The following CEP290 variants were observed in gnomAD, a reference collection of about 807,000 sequenced individuals.
CEP290 encodes the protein centrosomal protein of 290 kDa.
CEP290 carries 317 observed loss-of-function variants against 344.9 expected under a neutral mutation model. That is an observed-to-expected ratio of 0.92 (90% CI 0.84 to 1.01). The LOEUF (loss-of-function observed/expected upper bound fraction) is 1.01. CEP290 is among the 50% of genes least tolerant of loss of function. CEP290 has a pLI of 0.00. For synonymous variants in CEP290, 932 were observed against 895.8 expected (o/e 1.04, Z -0.72); for missense variants, 2,754 against 2,761.4 (o/e 1.00, Z 0.06).
intron 13 of CEP290, 142 bp from the exon 14 acceptor site, chr12:88,121,308 G>C: frequency 1.5e-6 from 1 of 647,072 alleles, no homozygotes; most frequent in Non-Finnish European, 2.5e-6. Context: ...TAAGATGAAA[G>C]TTTTGTTTTG....
intron 15 of CEP290, 80 bp downstream of exon 15, chr12:88,120,034 A>G (rs1006652647): frequency 6.8e-6 from 6 of 882,002 alleles, no homozygotes; most frequent in Middle Eastern, 3.7e-4. Flanking sequence ...CTTAATAAAT[A>G]ATAATAAACA....
chr12:88,073,492 C>A (rs2035533550), intron 41 of CEP290, among the ~76,000 whole-genome samples: 1 of 152,142 alleles, frequency 6.6e-6, no homozygotes, highest in African/African-American at 2.4e-5. Context: ...TCATTTAGGA[C>A]ATTCATAATG....
At chr12:88,097,510 T>A (rs868863071) in intron 26 of CEP290, among the ~76,000 whole-genome samples, 6 of 151,936 alleles carry the variant, frequency 3.9e-5, no homozygotes, top group Admixed American at 2.0e-4. Flanking sequence ...CAATTAAACC[T>A]CTTTCCTTTA....
chr12:88,089,350 G>A lies in CEP290; in HGVS notation c.3711C>T (p.Arg1237=). ...CTTTTTCATCAAGTTTCTGCTCTAA[G>A]CGCAAGTTGTAGGCCTCCATCTTCT... ...KLQKMEAYNL[R]LEQKLDEKEQ... Residue 1237 remains arginine (R), a synonymous_variant, in exon 31 of 54, where the codon CGC becomes CGT. Transcript: ENST00000552810. 6.2e-7 allele frequency: 1 copy of A among 1,613,918 alleles called. No homozygotes were observed. Among genetic ancestry groups the A allele is most frequent in the African/African-American group, 1.3e-5 (1 of 75,012 alleles).
intron 25 of CEP290, among the ~76,000 whole-genome samples, chr12:88,104,917 C>A (rs902158099): frequency 1.3e-5 from 2 of 152,014 alleles, no homozygotes; most frequent in African/African-American, 4.8e-5. Context: ...TAGTAAAAAT[C>A]CGATACTATT....
chr12:88,052,963 TG>T (rs746320942), intron 52 of CEP290, among the ~76,000 whole-genome samples: 4 of 152,150 alleles, frequency 2.6e-5, no homozygotes, highest in Non-Finnish European at 4.4e-5. Context: ...GGACTTCTGC[TG>T]GGGACATGTA....
chr12:88,128,820 A>G, intron 11 of CEP290, 126 bp downstream of exon 11: 1 of 537,598 alleles, frequency 1.9e-6, no homozygotes, highest in Non-Finnish European at 3.1e-6. Context: ...AATAAAATAA[A>G]CTTATGTTTA....
At position 88,086,846 on chromosome 12, in the gene CEP290, G is replaced by A. The variant is rs2468249; in HGVS notation, c.4195-348C>T. On this transcript the variant is annotated intron_variant, in intron 32 of 53. Coordinates refer to ENST00000552810, the MANE Select transcript of CEP290 (RefSeq NM_025114.4). ...CCAAGTCCGTGTCACCACGGAACTT[G>A]CATTCTGGCGAAGGAAAGACAGTCA... Among the ~76,000 whole-genome samples, 134,191 of 152,244 alleles carry A rather than the reference G, an allele frequency of 0.88. 60,019 individuals are homozygous for A. The highest frequency in any genetic ancestry group is 0.99 in the East Asian group (5,125 of 5,186).
At chr12:88,111,961 A>G (rs2038723313) in intron 20 of CEP290, 103 bp from the exon 21 acceptor site, 1 of 757,348 alleles carries the variant, frequency 1.3e-6, no homozygotes, top group South Asian at 2.9e-5. Context: ...GCATTTTCCT[A>G]TTTTCATTGC....
chr12:88,115,239 T>C (rs2038967243), intron 18 of CEP290, 57 bp from the exon 19 acceptor site: 1 of 971,218 alleles, frequency 1.0e-6, no homozygotes, highest in South Asian at 1.6e-5. Context: ...CACAAGTCTA[T>C]AATTTTCAAG....
At chr12:88,097,024 A>T (rs1488646192) in intron 26 of CEP290, 25 bp from the exon 27 acceptor site, 1 of 1,168,642 alleles carries the variant, frequency 8.6e-7, no homozygotes, top group Non-Finnish European at 1.2e-6. Flanking sequence ...AATATCACTA[A>T]GAAACTACAT....
In CEP290 at chr12:88,086,116, C is replaced by T. The variant is rs369902368; in HGVS notation, c.4360G>A (p.Glu1454Lys). 1.8e-5 allele frequency: 29 copies of T among 1,613,080 alleles called. No homozygotes were observed. The African/African-American group carries it at 3.9e-4, about 22-fold the overall frequency. The change falls in exon 34 of 54, where the codon GAG (glutamate) becomes AAG (lysine). Residue 1454 changes from glutamate to lysine, a missense_variant. Glu to Lys is a moderately conservative substitution (Grantham distance 56, BLOSUM62 1). Coordinates refer to ENST00000552810, the MANE Select transcript of CEP290 (RefSeq NM_025114.4). The part of the protein sequence containing the change: ...DPSLPLPNQL[E>K]IALRKIKENI... ...TCCTTAATTTTCCTTAGAGCGATCT[C>T]AAGTTGATTTGGAAGGGGCAAACTA...
At chr12:88,049,496 A>G (rs183076076) in intron 53 of CEP290, 82 bp from the exon 54 acceptor site, 5 of 756,366 alleles carry the variant, frequency 6.6e-6, no homozygotes, top group East Asian at 5.4e-5. Flanking sequence ...AATTGTAAAT[A>G]TGAAAGCCAA....
intron 23 of CEP290, among the ~76,000 whole-genome samples, chr12:88,108,058 GAAC>G (rs1245223287): frequency 2.0e-5 from 3 of 151,424 alleles, no homozygotes; most frequent in African/African-American, 7.3e-5. Flanking sequence ...TACATATATA[GAAC>G]ACCATGTTGT....
In CEP290 at chr12:88,071,379, C is replaced by G. The variant is rs763876198; in HGVS notation, c.5926G>C (p.Gly1976Arg). 3.7e-6 allele frequency: 6 copies of G among 1,611,794 alleles called. No individual in the cohort carries two copies. Among genetic ancestry groups the G allele is most frequent in the Non-Finnish European group, 5.1e-6 (6 of 1,178,688 alleles). ...TTGMTVDQVL[G>R]IRALESEKEL... ...TTTTCTGACTCCAAAGCTCGTATTC[C>G]CAAAACCTGATCAACAGTCATGCCA... is the stretch of plus-strand genomic sequence containing the variant. Residue 1976 changes from glycine to arginine, a missense_variant, in exon 43 of 54, where the codon GGA becomes CGA. Transcript: ENST00000552810.
At chr12:88,067,545 C>T (rs1034756304) in intron 44 of CEP290, among the ~76,000 whole-genome samples, 1 of 152,196 alleles carries the variant, frequency 6.6e-6, no homozygotes, top group Non-Finnish European at 1.5e-5. Flanking sequence ...TCCTCCATAG[C>T]AGATTCTACG....
At chr12:88,052,281 C>G (rs1478746430) in intron 52 of CEP290, among the ~76,000 whole-genome samples, 1 of 151,974 alleles carries the variant, frequency 6.6e-6, no homozygotes, top group Non-Finnish European at 1.5e-5. Context: ...ATAATTAGGT[C>G]AATAGATTAA....
chr12:88,081,999 G>A (rs1039131695), intron 37 of CEP290, among the ~76,000 whole-genome samples: 2 of 152,136 alleles, frequency 1.3e-5, no homozygotes, highest in African/African-American at 2.4e-5. Context: ...CCTTAGCAAA[G>A]CAAAAATAGT....
chr12:88,081,710 C>T (rs1205990283), intron 37 of CEP290, among the ~76,000 whole-genome samples: 1 of 152,038 alleles, frequency 6.6e-6, no homozygotes, highest in African/African-American at 2.4e-5. Flanking sequence ...TAATTTTGGA[C>T]TAAAATGACG....
Sources: allele counts gnomAD v4.1 joint callset (sites outside exome capture counted in the v4.1 genomes callset), GRCh38; gene constraint gnomAD v4.1.1; transcripts MANE v1.5; gene names NCBI Gene and HGNC (gene_info 2026-07-23, HGNC 2026-07-21).